The following AGBL4 variants were observed in gnomAD, a reference collection of about 807,000 sequenced individuals.
AGBL4 encodes cytosolic carboxypeptidase 6.
AGBL4 carries 58 observed loss-of-function variants against 66.4 expected under a neutral mutation model. The observed-to-expected ratio is 0.87, with a 90% CI of 0.71 to 1.09. AGBL4 has a LOEUF of 1.09. Ranked by LOEUF, AGBL4 falls within the 50% of genes least tolerant of loss-of-function variation. AGBL4 has a pLI of 0.00. For synonymous variants in AGBL4, 234 were observed against 222.9 expected, an observed-to-expected ratio of 1.05 and a Z score of -0.44; for missense variants, 579 against 631.0, an observed-to-expected ratio of 0.92 and a Z score of 0.88.
chr1:49,878,608 G>A (rs958088965), intron 1 of AGBL4, among the ~76,000 whole-genome samples: 2 of 152,068 alleles, frequency 1.3e-5, no homozygotes, highest in Admixed American at 6.6e-5. Context: ...AATAGGTGTG[G>A]TGTGCTGCTG....
intron 3 of AGBL4, among the ~76,000 whole-genome samples, chr1:49,656,093 G>A (rs1420357661): frequency 6.6e-6 from 1 of 151,696 alleles, no homozygotes; most frequent in Non-Finnish European, 1.5e-5. Flanking sequence ...GTTGCAGTGA[G>A]CCAAGATCGT....
At chr1:49,037,786 G>A (rs554752063) in intron 5 of AGBL4, among the ~76,000 whole-genome samples, 40 of 152,068 alleles carry the variant, frequency 2.6e-4, no homozygotes, top group Non-Finnish European at 5.0e-4. Context: ...GGGACAGAAT[G>A]TGTTTTGTGT....
intron 3 of AGBL4, among the ~76,000 whole-genome samples, chr1:49,631,700 G>C (rs578245519): frequency 3.0e-4 from 46 of 152,288 alleles, no homozygotes; most frequent in African/African-American, 1.0e-3. Context: ...AAGACTAAGG[G>C]AAAGGAAGCA....
At chr1:49,702,806 AATGCAAT>A (rs1488534518) in intron 2 of AGBL4, among the ~76,000 whole-genome samples, 3 of 152,164 alleles carry the variant, frequency 2.0e-5, no homozygotes, top group Non-Finnish European at 4.4e-5. Context: ...AAAATCAACT[AATGCAAT>A]ATAACACATT....
intron 9 of AGBL4, among the ~76,000 whole-genome samples, chr1:48,608,237 G>A (rs185808270): frequency 1.3e-5 from 2 of 152,292 alleles, no homozygotes; most frequent in East Asian, 3.9e-4. Flanking sequence ...CTTGGCTTAT[G>A]GAGTGTGGCA....
At chr1:49,558,235 GA>G (rs1643949604) in intron 3 of AGBL4, among the ~76,000 whole-genome samples, 1 of 152,050 alleles carries the variant, frequency 6.6e-6, no homozygotes, top group Non-Finnish European at 1.5e-5. Flanking sequence ...TCCTTCTTGA[GA>G]AAAGTAGAGA....
At chr1:49,042,284 T>G (rs1004763624) in intron 5 of AGBL4, among the ~76,000 whole-genome samples, 1 of 152,068 alleles carries the variant, frequency 6.6e-6, no homozygotes, top group African/African-American at 2.4e-5. Flanking sequence ...TTTTCTGACT[T>G]TATAGGTGAA....
intron 8 of AGBL4, among the ~76,000 whole-genome samples, chr1:48,638,853 T>C (rs1217814437): frequency 6.6e-6 from 1 of 152,200 alleles, no homozygotes; most frequent in Non-Finnish European, 1.5e-5. Context: ...TTTTCCTGTC[T>C]CATATTATAT....
At chr1:49,160,434 G>C (rs1336938552) in intron 4 of AGBL4, among the ~76,000 whole-genome samples, 1 of 152,026 alleles carries the variant, frequency 6.6e-6, no homozygotes, top group East Asian at 1.9e-4. Context: ...CTTCCTCAAG[G>C]GGCACCCACC....
chr1:48,925,763 T>C (rs1396340316), intron 5 of AGBL4, among the ~76,000 whole-genome samples: 1 of 152,232 alleles, frequency 6.6e-6, no homozygotes, highest in Non-Finnish European at 1.5e-5. Context: ...GGGCCAACTA[T>C]ATATATGTGT....
At chr1:48,882,703 G>A (rs942544859) in intron 5 of AGBL4, among the ~76,000 whole-genome samples, 5 of 152,204 alleles carry the variant, frequency 3.3e-5, no homozygotes, top group East Asian at 1.9e-4. Flanking sequence ...CTGTACAAAG[G>A]TTCTCCAGAA....
At chr1:48,578,840 T>C (rs1050970200) in intron 11 of AGBL4, among the ~76,000 whole-genome samples, 7 of 152,086 alleles carry the variant, frequency 4.6e-5, no homozygotes, top group African/African-American at 1.7e-4. Context: ...TTTAACCAAG[T>C]CCACATAGCT....
intron 6 of AGBL4, among the ~76,000 whole-genome samples, chr1:48,858,084 G>C (rs1007447538): frequency 2.6e-5 from 4 of 152,088 alleles, no homozygotes; most frequent in Non-Finnish European, 5.9e-5. Flanking sequence ...AAATACATTT[G>C]TTATCATTAG....
chr1:48,898,789 A>G (rs1651791048), intron 5 of AGBL4, among the ~76,000 whole-genome samples: 1 of 152,108 alleles, frequency 6.6e-6, no homozygotes, highest in Non-Finnish European at 1.5e-5. Context: ...TTACGGTTCC[A>G]TATATATTTT....
intron 4 of AGBL4, among the ~76,000 whole-genome samples, chr1:49,180,169 A>G (rs1486568618): frequency 6.6e-6 from 1 of 152,222 alleles, no homozygotes; most frequent in Non-Finnish European, 1.5e-5. Flanking sequence ...AAGTGCTGGG[A>G]TTACAGGCGT....
chr1:48,896,717 T>C (rs1415516879), intron 5 of AGBL4, among the ~76,000 whole-genome samples: 2 of 152,160 alleles, frequency 1.3e-5, no homozygotes, highest in African/African-American at 4.8e-5. Flanking sequence ...CATGAAATGA[T>C]TCTTTTCTGA....
intron 5 of AGBL4, among the ~76,000 whole-genome samples, chr1:49,001,068 G>A (rs1199687768): frequency 6.6e-6 from 1 of 152,050 alleles, no homozygotes; most frequent in East Asian, 1.9e-4. Flanking sequence ...ATTCTAAGTG[G>A]GACCAAATTA....
intron 4 of AGBL4, among the ~76,000 whole-genome samples, chr1:49,240,699 T>C (rs529881414): frequency 1.3e-5 from 2 of 152,056 alleles, no homozygotes; most frequent in Non-Finnish European, 2.9e-5. Context: ...AGAAATCACA[T>C]CTTCTCCTAC....
chr1:48,962,567 A>G (rs1032916851), intron 5 of AGBL4, among the ~76,000 whole-genome samples: 2 of 152,178 alleles, frequency 1.3e-5, no homozygotes, highest in Non-Finnish European at 2.9e-5. Flanking sequence ...GGTCTCAGGT[A>G]GCACACAGTT....
Sources: allele counts gnomAD v4.1 joint callset (sites outside exome capture counted in the v4.1 genomes callset), GRCh38; gene constraint gnomAD v4.1.1; transcripts MANE v1.5; gene names NCBI Gene and HGNC (gene_info 2026-07-23, HGNC 2026-07-21).